TSHZ2: variants seen among roughly 807,000 people sequenced by gnomAD.
The protein encoded by TSHZ2 is teashirt homolog 2.
Under a neutral mutation model 74.4 loss-of-function variants are expected in TSHZ2, and 21 were observed. That is an observed-to-expected ratio of 0.28 (90% confidence interval 0.20 to 0.41). The LOEUF (loss-of-function observed/expected upper bound fraction) is 0.41. Ranked by LOEUF, TSHZ2 falls within the 10% of genes least tolerant of loss-of-function variation. The probability of loss-of-function intolerance (pLI) is 1.00; values close to 1 mark genes in which losing one functional copy is unlikely to be tolerated. For missense variants in TSHZ2, 1,244 were observed against 1,293.5 expected (o/e 0.96, Z 0.59); for synonymous variants, 540 against 515.3 (o/e 1.05, Z -0.65).
rs542512130 is a variant in TSHZ2 at position 53,136,199 on chromosome 20, C to A, written c.41-117300C>A. 2.0e-5 allele frequency among the ~76,000 whole-genome samples: 3 copies of A among 152,270 alleles called. No individual in the cohort carries two copies. In the South Asian group the frequency reaches 6.2e-4, roughly 32 times the overall value. On this transcript the variant is annotated intron_variant, in intron 1 of 2. Transcript: ENST00000371497. ...TCCTCTTATAAAGCCACTAGTTGCA[C>A]TCCCATGTTAACCCATTCATTCATT...
chr20:53,150,512 T>A (rs1403017223), intron 1 of TSHZ2, among the ~76,000 whole-genome samples: 1 of 152,198 alleles, frequency 6.6e-6, no homozygotes, highest in Non-Finnish European at 1.5e-5. Flanking sequence ...CCTGCACATA[T>A]CCTCAATTTA....
chr20:53,182,162 TTTTC>T (rs143921701), intron 1 of TSHZ2, among the ~76,000 whole-genome samples: 26,564 of 135,226 alleles, frequency 0.2, 2,424 homozygotes, highest in South Asian at 0.28. Flanking sequence ...CCTCTCTTCC[TTTTC>T]TTTCTTTCTT....
chr20:53,379,379 C>T (rs1283960596), intron 2 of TSHZ2, among the ~76,000 whole-genome samples: 2 of 152,080 alleles, frequency 1.3e-5, no homozygotes, highest in African/African-American at 4.8e-5. Context: ...GAAACCCTGT[C>T]TCAAAAAATA....
At chr20:53,149,453 G>A (rs1280683431) in intron 1 of TSHZ2, among the ~76,000 whole-genome samples, 1 of 152,164 alleles carries the variant, frequency 6.6e-6, no homozygotes, top group Non-Finnish European at 1.5e-5. Flanking sequence ...TCAAAAGGGA[G>A]TGAGAGAAAG....
intron 1 of TSHZ2, among the ~76,000 whole-genome samples, chr20:53,221,646 CAGAT>C (rs1284353169): frequency 6.6e-6 from 1 of 152,176 alleles, no homozygotes; most frequent in African/African-American, 2.4e-5. Flanking sequence ...TTGGTAAACA[CAGAT>C]AGAAAGAGAC....
At chr20:53,220,925 A>G (rs1428741700) in intron 1 of TSHZ2, among the ~76,000 whole-genome samples, 1 of 152,226 alleles carries the variant, frequency 6.6e-6, no homozygotes, top group Non-Finnish European at 1.5e-5. Context: ...GCAGGAATGT[A>G]GACCCAGTAT....
At chr20:53,160,315 G>A (rs1230478046) in intron 1 of TSHZ2, among the ~76,000 whole-genome samples, 1 of 152,158 alleles carries the variant, frequency 6.6e-6, no homozygotes, top group Non-Finnish European at 1.5e-5. Flanking sequence ...ACCTTCATGG[G>A]TTCAGGAGTC....
intron 1 of TSHZ2, among the ~76,000 whole-genome samples, chr20:53,023,387 T>C (rs1012483571): frequency 1.3e-5 from 2 of 152,232 alleles, no homozygotes; most frequent in Non-Finnish European, 2.9e-5. Flanking sequence ...CTCTGAATTG[T>C]TAAGCATTAA....
chr20:53,080,646 C>T (rs537471238), intron 1 of TSHZ2, among the ~76,000 whole-genome samples: 5 of 152,232 alleles, frequency 3.3e-5, no homozygotes, highest in East Asian at 1.9e-4. Flanking sequence ...CAACAGGGTT[C>T]GTACTCCTAT....
intron 1 of TSHZ2, among the ~76,000 whole-genome samples, chr20:53,143,695 AAAAT>A (rs1000130000): frequency 1.2e-3 from 189 of 152,100 alleles, no homozygotes; most frequent in African/African-American, 3.5e-3. Context: ...CCGTCTCAAA[AAAAT>A]AAATAAATAA....
intron 1 of TSHZ2, among the ~76,000 whole-genome samples, chr20:53,137,290 G>A (rs1324803301): frequency 1.4e-5 from 2 of 139,040 alleles, no homozygotes; most frequent in Admixed American, 8.0e-5. Context: ...TAATATATTC[G>A]TGTTTCTTTT....
At chr20:53,099,618 C>G (rs116516798) in intron 1 of TSHZ2, among the ~76,000 whole-genome samples, 2,904 of 152,304 alleles carry the variant, frequency 0.019, 108 homozygotes, top group African/African-American at 0.067. Flanking sequence ...CATAGTTCCA[C>G]TTGGCCAGGG....
chr20:53,037,372 TTC>T (rs1388991739), intron 1 of TSHZ2, among the ~76,000 whole-genome samples: 1 of 152,232 alleles, frequency 6.6e-6, no homozygotes, highest in East Asian at 1.9e-4. Flanking sequence ...TATTTCAAAG[TTC>T]TCTTAGCGTT....
intron 2 of TSHZ2, chr20:53,399,701 C>T (rs2145676073): frequency 6.6e-6 from 1 of 152,198 alleles, no homozygotes; most frequent in South Asian, 2.1e-4. Flanking sequence ...GGAGACCTGG[C>T]AAGCAGTCGC....
At chr20:53,355,571 A>G (rs756200122) in intron 2 of TSHZ2, among the ~76,000 whole-genome samples, 14 of 152,232 alleles carry the variant, frequency 9.2e-5, no homozygotes, top group Non-Finnish European at 1.9e-4. Flanking sequence ...CTATAGAGAT[A>G]TAAAATAAGT....
At chr20:53,444,754 C>T (rs1324296004) in intron 2 of TSHZ2, among the ~76,000 whole-genome samples, 2 of 152,182 alleles carry the variant, frequency 1.3e-5, no homozygotes, top group Non-Finnish European at 2.9e-5. Context: ...ACAAACCTCC[C>T]AGGGTGGTCT....
intron 1 of TSHZ2, among the ~76,000 whole-genome samples, chr20:53,204,609 C>T (rs1989118430): frequency 6.6e-6 from 1 of 152,046 alleles, no homozygotes; most frequent in African/African-American, 2.4e-5. Flanking sequence ...TATCTGATCA[C>T]TTGCAACAAA....
At chr20:53,394,988 G>A (rs1009282138) in intron 2 of TSHZ2, among the ~76,000 whole-genome samples, 3 of 151,550 alleles carry the variant, frequency 2.0e-5, no homozygotes, top group Admixed American at 6.6e-5. Flanking sequence ...CTCTTTCTTG[G>A]ATTTAAACAA....
chr20:53,254,383 G>A lies in TSHZ2; in HGVS notation c.925G>A (p.Val309Ile), dbSNP rs766055253. Residue 309 changes from valine (V) to isoleucine (I), a missense_variant, in exon 2 of 3, where the codon GTC (valine) becomes ATC (isoleucine). This residue lies in a region of TSHZ2 where 470 missense variants were observed against 456.5 expected (regional missense o/e 1.03). Transcript: ENST00000371497. The stretch of plus-strand genomic sequence containing the variant: ...CCAAAAAGTGCCTTTGAAGGAGCCA[G>A]TCCCAACCATTTCCTCGAAAATGGT... ...HYQKVPLKEPVPTISSKMVTP... is the reference protein window; with the variant it reads ...HYQKVPLKEPIPTISSKMVTP... 6.2e-7 allele frequency: 1 copy of A among 1,614,056 alleles called. No homozygotes were observed. Among genetic ancestry groups the A allele is most frequent in the South Asian group, 1.1e-5 (1 of 91,072 alleles).
Sources: gnomAD v4.1 joint callset for allele counts (sites outside exome capture counted in the v4.1 genomes callset) on GRCh38, gnomAD v4.1.1 for gene constraint, gnomAD v4.1.1 regional missense constraint, MANE v1.5 for transcripts, NCBI Gene and HGNC (gene_info 2026-07-23, HGNC 2026-07-21) for gene names.